Variants in P3H2 observed in about 807,000 individuals in gnomAD.
P3H2 encodes leprecan-like 1.
P3H2 carries 80 observed loss-of-function variants against 87.0 expected under a neutral mutation model. The ratio of observed to expected loss-of-function variants is 0.92; its 90% CI spans 0.77 to 1.11. The LOEUF is 1.11. Among genes scored for constraint, P3H2 ranks in the 50% least tolerant of loss-of-function variants. P3H2 has a pLI of 0.00. For missense variants in P3H2, 1,001 were observed against 923.9 expected (o/e 1.08, Z -1.08); for synonymous variants, 367 against 359.3 (o/e 1.02, Z -0.24).
chr3:190,090,331 T>C (rs1482012588), intron 1 of P3H2, among the ~76,000 whole-genome samples: 1 of 152,194 alleles, frequency 6.6e-6, no homozygotes, highest in African/African-American at 2.4e-5. Context: ...AATATTAATC[T>C]GTACAGAAAG....
chr3:190,055,391 ATT>A (rs1726117932), intron 1 of P3H2, among the ~76,000 whole-genome samples: 1 of 152,188 alleles, frequency 6.6e-6, no homozygotes, highest in African/African-American at 2.4e-5. Context: ...ACATCAGTGC[ATT>A]CTCAATTTTA....
chr3:190,041,037 TACACACACAC>T lies in P3H2; in HGVS notation c.481-45605_481-45596del, dbSNP rs1202716732. Among the ~76,000 whole-genome samples, 423 of 49,318 alleles carry T rather than the reference TACACACACAC, an allele frequency of 8.6e-3. 29 individuals carry two copies. Among genetic ancestry groups the T allele is most frequent in the African/African-American group, 0.022 (386 of 17,260 alleles). The allele number at this position is 49,318 out of a possible 152,430, so 32.4% of individuals were successfully genotyped here. Reference sequence around the variant, plus strand: ...TGGCTCTACTATATATATATATATATACACACACACACACACACACACACACACACACACA... The same window carrying T: ...TGGCTCTACTATATATATATATATATACACACACACACACACACACACACA... On this transcript the variant is annotated intron_variant, in intron 1 of 14. Coordinates refer to ENST00000319332, the MANE Select transcript of P3H2 (RefSeq NM_018192.4).
intron 8 of P3H2, among the ~76,000 whole-genome samples, chr3:189,977,613 T>A (rs1723392251): frequency 6.6e-6 from 1 of 152,140 alleles, no homozygotes; most frequent in African/African-American, 2.4e-5. Context: ...CTTTAAAAAA[T>A]TTATTTGACA....
intron 1 of P3H2, among the ~76,000 whole-genome samples, chr3:190,031,043 T>A (rs1398870729): frequency 6.6e-6 from 1 of 152,198 alleles, no homozygotes; most frequent in Non-Finnish European, 1.5e-5. Flanking sequence ...CATGTGAATA[T>A]TTCTGACACT....
chr3:190,051,846 T>G (rs1018919013), intron 1 of P3H2, among the ~76,000 whole-genome samples: 6 of 152,114 alleles, frequency 3.9e-5, no homozygotes, highest in African/African-American at 1.4e-4. Context: ...GCATTTCAGC[T>G]GTGGAGGAGG....
chr3:190,036,583 C>T (rs1725433077), intron 1 of P3H2, among the ~76,000 whole-genome samples: 2 of 152,120 alleles, frequency 1.3e-5, no homozygotes, highest in Non-Finnish European at 2.9e-5. Context: ...TTATGACTTG[C>T]TTAAGATTGC....
chr3:189,967,760 T>C (rs1723046637), intron 13 of P3H2, among the ~76,000 whole-genome samples: 1 of 152,130 alleles, frequency 6.6e-6, no homozygotes, highest in Non-Finnish European at 1.5e-5. Context: ...TTGTATGAAG[T>C]CACATGAAAT....
chr3:190,109,383 T>C (rs930482672), intron 1 of P3H2, among the ~76,000 whole-genome samples: 5 of 152,188 alleles, frequency 3.3e-5, no homozygotes, highest in Non-Finnish European at 7.3e-5. Context: ...GCATTTTTGT[T>C]TTCAGTCAAG....
At chr3:190,111,110 A>T (rs1343573771) in intron 1 of P3H2, among the ~76,000 whole-genome samples, 1 of 152,184 alleles carries the variant, frequency 6.6e-6, no homozygotes, top group African/African-American at 2.4e-5. Flanking sequence ...ATTTTCATTA[A>T]GCTAACTGGG....
chr3:189,986,353 G>C (rs1327924789), intron 6 of P3H2, among the ~76,000 whole-genome samples: 1 of 152,202 alleles, frequency 6.6e-6, no homozygotes, highest in African/African-American at 2.4e-5. Context: ...GGGAGGCTGA[G>C]GCGGGCGGAT....
intron 1 of P3H2, among the ~76,000 whole-genome samples, chr3:190,115,532 T>A (rs1712257160): frequency 6.6e-6 from 1 of 151,890 alleles, no homozygotes; most frequent in African/African-American, 2.4e-5. Flanking sequence ...GAATTGTGCA[T>A]GAAACAGGTA....
At chr3:189,973,831 T>A in intron 10 of P3H2, 78 bp downstream of exon 10, 2 of 1,133,730 alleles carry the variant, frequency 1.8e-6, no homozygotes, top group Middle Eastern at 1.9e-4. Context: ...GCCACTTTTT[T>A]CTTTCTTATA....
chr3:190,038,238 A>T (rs1432390605), intron 1 of P3H2, among the ~76,000 whole-genome samples: 1 of 8,328 alleles, frequency 1.2e-4, no homozygotes, highest in South Asian at 4.0e-3. Context: ...TAGGTTTAAA[A>T]AAAAAAAAAA....
intron 1 of P3H2, among the ~76,000 whole-genome samples, chr3:190,031,619 A>G (rs1725255912): frequency 7.0e-6 from 1 of 143,422 alleles, no homozygotes; most frequent in Admixed American, 7.4e-5. Context: ...CCTCTGTGAG[A>G]AAGCGAGACT....
At chr3:190,029,496 TTC>T (rs1348858483) in intron 1 of P3H2, among the ~76,000 whole-genome samples, 2 of 152,166 alleles carry the variant, frequency 1.3e-5, no homozygotes, top group African/African-American at 2.4e-5. Context: ...ATTGGTGACT[TTC>T]TTTTTTTTTT....
At chr3:190,045,529 TAG>T (rs971414035) in intron 1 of P3H2, among the ~76,000 whole-genome samples, 1 of 151,966 alleles carries the variant, frequency 6.6e-6, no homozygotes, top group East Asian at 1.9e-4. Flanking sequence ...GAGAGAGACA[TAG>T]AGAGAGAGGC....
intron 1 of P3H2, among the ~76,000 whole-genome samples, chr3:190,003,831 G>C: frequency 6.6e-6 from 1 of 152,232 alleles, no homozygotes; most frequent in East Asian, 1.9e-4. Flanking sequence ...TGAGGTGTCA[G>C]ATGATGACTA....
At chr3:189,992,152 T>TG (rs1723899224) in intron 3 of P3H2, among the ~76,000 whole-genome samples, 1 of 152,222 alleles carries the variant, frequency 6.6e-6, no homozygotes, top group Admixed American at 6.5e-5. Flanking sequence ...TGGAGTGCAA[T>TG]GGCACCATCT....
intron 1 of P3H2, among the ~76,000 whole-genome samples, chr3:190,079,167 C>A (rs778573888): frequency 2.6e-5 from 4 of 151,836 alleles, no homozygotes; most frequent in African/African-American, 9.7e-5. Flanking sequence ...ATGGTGAAAC[C>A]CTGTCTCTAC....
Sources: allele counts gnomAD v4.1 joint callset (sites outside exome capture counted in the v4.1 genomes callset), GRCh38; gene constraint gnomAD v4.1.1; transcripts MANE v1.5; gene names NCBI Gene and HGNC (gene_info 2026-07-23, HGNC 2026-07-21).